IL1RAPL1: variants seen among roughly 807,000 people sequenced by gnomAD.
IL1RAPL1 encodes the protein interleukin-1 receptor accessory protein-like 1.
IL1RAPL1 carries 3 observed loss-of-function variants against 48.4 expected under a neutral mutation model. The observed-to-expected ratio is 0.06, with a 90% CI of 0.03 to 0.16. The LOEUF (loss-of-function observed/expected upper bound fraction) is 0.16. Ranked by LOEUF, IL1RAPL1 falls within the 10% of genes least tolerant of loss-of-function variation. The pLI is 1.00. For missense variants in IL1RAPL1, 349 were observed against 530.6 expected (o/e 0.66, Z 3.36); for synonymous variants, 185 against 187.7 (o/e 0.99, Z 0.12).
intron 5 of IL1RAPL1, among the ~76,000 whole-genome samples, chrX:29,614,192 A>G (rs1924203165): frequency 9.0e-6 from 1 of 111,496 alleles, no homozygotes; most frequent in Admixed American, 9.6e-5. Context: ...TCCGCTGACA[A>G]ATGCATATAT....
chrX:28,953,502 T>G (rs1174728536), intron 2 of IL1RAPL1, among the ~76,000 whole-genome samples: 1 of 111,644 alleles, frequency 9.0e-6, no homozygotes, highest in Admixed American at 9.6e-5. Flanking sequence ...GCTTAACTAT[T>G]TATTATTCCA....
chrX:28,752,694 A>G (rs1395543441), intron 1 of IL1RAPL1, among the ~76,000 whole-genome samples: 1 of 112,362 alleles, frequency 8.9e-6, no homozygotes, highest in Non-Finnish European at 1.9e-5. Context: ...AAGGTTTGGG[A>G]AAAGGTGATT....
At chrX:29,536,043 T>G (rs901448079) in intron 5 of IL1RAPL1, among the ~76,000 whole-genome samples, 4 of 111,997 alleles carry the variant, frequency 3.6e-5, no homozygotes, top group African/African-American at 1.3e-4. Context: ...TAACAATCAT[T>G]AACCTAAAAA....
chrX:28,939,684 A>G (rs763155629), intron 2 of IL1RAPL1, among the ~76,000 whole-genome samples: 33 of 111,542 alleles, frequency 3.0e-4, no homozygotes, highest in Non-Finnish European at 6.1e-4. Flanking sequence ...CTAAAATAAA[A>G]GTTTTTAAAA....
In IL1RAPL1 at chrX:29,582,970, C is replaced by G. The variant is rs6628456; in HGVS notation, c.704-85460C>G. Among the ~76,000 whole-genome samples, 8 of 71,148 alleles carry G rather than the reference C, an allele frequency of 1.1e-4. No homozygotes were observed. In the South Asian group the frequency reaches 8.3e-3, roughly 74 times the overall value. 61.8% of individuals were successfully genotyped at this position (71,148 alleles called of 115,157 possible). On this transcript the variant is annotated intron_variant, in intron 5 of 10. Coordinates refer to ENST00000378993, the MANE Select transcript of IL1RAPL1 (RefSeq NM_014271.4). ...TCTAGATCCCTGAGGAATCGCCACA[C>G]TGACTTCCACAATGGTTGAACTAGT...
chrX:29,191,214 A>G (rs1313500747), intron 2 of IL1RAPL1, among the ~76,000 whole-genome samples: 2 of 111,868 alleles, frequency 1.8e-5, no homozygotes, highest in African/African-American at 6.5e-5. Context: ...GATGTACATT[A>G]ATTGAGGTAA....
intron 6 of IL1RAPL1, among the ~76,000 whole-genome samples, chrX:29,846,176 C>T (rs746914980): frequency 2.7e-5 from 3 of 111,447 alleles, no homozygotes; most frequent in South Asian, 3.8e-4. Flanking sequence ...TTATTAGTAT[C>T]GCTGTTACAC....
At chrX:29,676,895 T>C (rs972932653) in intron 6 of IL1RAPL1, among the ~76,000 whole-genome samples, 16 of 112,078 alleles carry the variant, frequency 1.4e-4, no homozygotes, top group African/African-American at 5.2e-4. Flanking sequence ...TTCTTAATGA[T>C]TGAAGTTTAC....
intron 6 of IL1RAPL1, among the ~76,000 whole-genome samples, chrX:29,754,603 A>G (rs1458120434): frequency 1.8e-5 from 2 of 112,193 alleles, no homozygotes; most frequent in Non-Finnish European, 3.8e-5. Flanking sequence ...CTAACTTGAC[A>G]TAAGTATCCT....
intron 6 of IL1RAPL1, among the ~76,000 whole-genome samples, chrX:29,794,778 T>A (rs1929707786): frequency 8.9e-6 from 1 of 112,142 alleles, no homozygotes; most frequent in African/African-American, 3.2e-5. Context: ...CCTGATGGTA[T>A]TAGACTTCTA....
chrX:29,945,179 G>T (rs1333813424), intron 9 of IL1RAPL1, among the ~76,000 whole-genome samples: 1 of 111,423 alleles, frequency 9.0e-6, no homozygotes, highest in Non-Finnish European at 1.9e-5. Flanking sequence ...ACCCATGCAG[G>T]CTGTAAACCT....
intron 5 of IL1RAPL1, among the ~76,000 whole-genome samples, chrX:29,532,966 A>G (rs1921092509): frequency 8.9e-6 from 1 of 112,056 alleles, no homozygotes; most frequent in Non-Finnish European, 1.9e-5. Context: ...TCTGTTGAAC[A>G]TCTTCATCTG....
rs368255589 is a variant in IL1RAPL1 at position 29,884,710 on chromosome X, C to T, written c.779-32754C>T. 1.1e-4 allele frequency among the ~76,000 whole-genome samples: 12 copies of T among 111,627 alleles called. No homozygotes were observed. The South Asian group carries it at 1.1e-3, about 11-fold the overall frequency. On this transcript the variant is annotated intron_variant, in intron 6 of 10. Transcript: ENST00000378993. ...ACTCCAAACTCCATATGTTCAAAAT[C>T]GAGTTCCTGATCTTTTCCTGCGGAC...
chrX:29,736,685 C>T (rs772219393), intron 6 of IL1RAPL1, among the ~76,000 whole-genome samples: 2 of 110,827 alleles, frequency 1.8e-5, no homozygotes, highest in Non-Finnish European at 3.8e-5. Context: ...GAGATCGTGC[C>T]AGTGCACTCC....
At chrX:29,754,380 T>G (rs1264440045) in intron 6 of IL1RAPL1, among the ~76,000 whole-genome samples, 1 of 111,644 alleles carries the variant, frequency 9.0e-6, no homozygotes, top group Non-Finnish European at 1.9e-5. Flanking sequence ...ATAAGTGAAC[T>G]GAAATGCTAC....
intron 1 of IL1RAPL1, among the ~76,000 whole-genome samples, chrX:28,599,437 AT>A (rs1933995806): frequency 9.1e-6 from 1 of 109,979 alleles, no homozygotes; most frequent in African/African-American, 3.4e-5. Flanking sequence ...CTTTCAAGTA[AT>A]AAGTCATTTC....
chrX:28,870,502 T>C (rs1455778999), intron 2 of IL1RAPL1, among the ~76,000 whole-genome samples: 1 of 112,052 alleles, frequency 8.9e-6, no homozygotes. Context: ...ATTTATAGAA[T>C]AGAAATATGA....
intron 2 of IL1RAPL1, among the ~76,000 whole-genome samples, chrX:29,028,284 T>G (rs1456567331): frequency 9.4e-6 from 1 of 106,654 alleles, no homozygotes; most frequent in Admixed American, 1.0e-4. Context: ...CTACTGTTTT[T>G]TTTGTTTGTT....
At chrX:29,402,316 C>A (rs754345002) in intron 5 of IL1RAPL1, among the ~76,000 whole-genome samples, 35 of 110,860 alleles carry the variant, frequency 3.2e-4, no homozygotes, top group Non-Finnish European at 5.5e-4. Context: ...ACCCTTTCTT[C>A]AAGGCACAGC....
Sources: allele counts gnomAD v4.1 joint callset (sites outside exome capture counted in the v4.1 genomes callset), GRCh38; gene constraint gnomAD v4.1.1; transcripts MANE v1.5; gene names NCBI Gene and HGNC (gene_info 2026-07-23, HGNC 2026-07-21).